The following PBX4 variants were observed in gnomAD, a reference collection of about 807,000 sequenced individuals.
PBX4 encodes the protein pre-B-cell leukemia transcription factor 4.
Under a neutral mutation model 35.1 loss-of-function variants are expected in PBX4, and 26 were observed. The observed-to-expected ratio is 0.74, with a 90% confidence interval of 0.54 to 1.03. The LOEUF (loss-of-function observed/expected upper bound fraction) is 1.03, where lower values mean the gene tolerates loss of function less well. Among genes scored for constraint, PBX4 ranks in the 50% least tolerant of loss-of-function variants. The probability of loss-of-function intolerance (pLI) is 0.00; values close to 1 mark genes in which losing one functional copy is unlikely to be tolerated. For missense variants in PBX4, 448 were observed against 504.3 expected, an observed-to-expected ratio of 0.89 and a Z score of 1.07; for synonymous variants, 199 against 204.2, an observed-to-expected ratio of 0.97 and a Z score of 0.22.
intron 2 of PBX4, among the ~76,000 whole-genome samples, chr19:19,590,586 A>G (rs943399159): frequency 6.6e-6 from 1 of 150,888 alleles, no homozygotes; most frequent in Non-Finnish European, 1.5e-5. Context: ...CTCGCGCCTC[A>G]GCCTCCCGAT....
intron 2 of PBX4, among the ~76,000 whole-genome samples, chr19:19,573,848 G>A (rs972746216): frequency 4.6e-5 from 7 of 152,094 alleles, no homozygotes; most frequent in African/African-American, 1.7e-4. Flanking sequence ...TTCTGCCTCA[G>A]TCTCCTGAGT....
chr19:19,577,695 C>T (rs2061428690), intron 2 of PBX4, among the ~76,000 whole-genome samples: 1 of 151,894 alleles, frequency 6.6e-6, no homozygotes, highest in Admixed American at 6.6e-5. Flanking sequence ...CCCATCTCTA[C>T]TAAAAATACA....
chr19:19,565,216 A>G (rs554318433), intron 5 of PBX4, 127 bp from the exon 6 acceptor site: 1 of 1,176,540 alleles, frequency 8.5e-7, no homozygotes, highest in East Asian at 2.3e-5. Flanking sequence ...CCCTGGGGCT[A>G]TGAAGAGTCT....
chr19:19,570,416 G>A (rs942127158), intron 3 of PBX4, 117 bp from the exon 4 acceptor site: 1 of 1,430,312 alleles, frequency 7.0e-7, no homozygotes, highest in Non-Finnish European at 9.4e-7. Context: ...ACCGGCGGGT[G>A]ACTGTTAAGT....
intron 2 of PBX4, among the ~76,000 whole-genome samples, chr19:19,586,856 A>G (rs1248410140): frequency 2.6e-5 from 4 of 151,612 alleles, no homozygotes; most frequent in Admixed American, 2.6e-4. Context: ...GTTTGAACCC[A>G]GGAGGTGAAG....
At chr19:19,604,901 T>C (rs2061620767) in intron 1 of PBX4, among the ~76,000 whole-genome samples, 1 of 151,986 alleles carries the variant, frequency 6.6e-6, no homozygotes, top group African/African-American at 2.4e-5. Flanking sequence ...TGCCCGGCCA[T>C]GTTAGTCTTT....
chr19:19,571,109 T>C (rs2061380166), intron 2 of PBX4, among the ~76,000 whole-genome samples: 1 of 152,216 alleles, frequency 6.6e-6, no homozygotes, highest in South Asian at 2.1e-4. Context: ...TGGTCACAGC[T>C]GTGTGCACGC....
intron 2 of PBX4, among the ~76,000 whole-genome samples, chr19:19,586,926 G>A (rs1010257639): frequency 4.0e-5 from 6 of 151,358 alleles, no homozygotes; most frequent in African/African-American, 7.3e-5. Flanking sequence ...GTGAGATTCC[G>A]TCTCAAAAAA....
chr19:19,581,918 G>C (rs1190920446), intron 2 of PBX4, among the ~76,000 whole-genome samples: 1 of 152,156 alleles, frequency 6.6e-6, no homozygotes, highest in Non-Finnish European at 1.5e-5. Context: ...AGCAGGAGAC[G>C]AGACTGGCTG....
At chr19:19,573,874 C>T (rs1474375883) in intron 2 of PBX4, among the ~76,000 whole-genome samples, 5 of 152,046 alleles carry the variant, frequency 3.3e-5, no homozygotes, top group Non-Finnish European at 2.9e-5. Context: ...GGATTACAGG[C>T]GCTCGCCACC....
At position 19,562,032 on chromosome 19, in the gene PBX4, G is replaced by A. The variant is rs1482229926; in HGVS notation, c.1118C>T (p.Ser373Phe). The change falls in exon 8 of 8, where the codon TCT becomes TTT. Residue 373 changes from serine to phenylalanine, a missense_variant. Coordinates refer to ENST00000251203, the MANE Select transcript of PBX4 (RefSeq NM_025245.3). The surrounding 1 kb of genome is among the most constrained non-coding windows in gnomAD (Gnocchi z 4.8). ...CCTGCTTATCCCCCAAACTTAATTA[G>A]ATGTACTGGAGTTGATGCTGCCAGG... The part of the protein sequence containing the change: ...GDPGSINSST[S>F]N 2.5e-6 allele frequency: 4 copies of A among 1,612,106 alleles called. No individual in the cohort carries two copies. The highest frequency in any genetic ancestry group is 3.4e-6 in the Non-Finnish European group (4 of 1,179,070).
At position 19,563,058 on chromosome 19, in the gene PBX4, G is replaced by A. The variant is rs1488543498; in HGVS notation, c.1032+451C>T. Among the ~76,000 whole-genome samples, 1 of 152,176 alleles carries A rather than the reference G, an allele frequency of 6.6e-6. No individual in the cohort carries two copies. The highest frequency in any genetic ancestry group is 1.5e-5 in the Non-Finnish European group (1 of 68,026). On this transcript the variant is annotated intron_variant, in intron 7 of 7. Coordinates refer to ENST00000251203, the MANE Select transcript of PBX4 (RefSeq NM_025245.3). The surrounding 1 kb of genome is among the most constrained non-coding windows in gnomAD (Gnocchi z 5.1). ...CCTGTGCTGGGCACATGACACCTGGGCCTCCTCAGTGTCTTCAAGACGGTC... is the reference window on the plus strand; with the variant it reads ...CCTGTGCTGGGCACATGACACCTGGACCTCCTCAGTGTCTTCAAGACGGTC...
At chr19:19,577,408 A>T (rs1019599378) in intron 2 of PBX4, among the ~76,000 whole-genome samples, 7 of 152,154 alleles carry the variant, frequency 4.6e-5, no homozygotes, top group African/African-American at 1.4e-4. Context: ...ATGTATTTAC[A>T]GGAGGCACAG....
At chr19:19,607,724 T>G (rs1027218524) in intron 1 of PBX4, among the ~76,000 whole-genome samples, 1 of 152,180 alleles carries the variant, frequency 6.6e-6, no homozygotes, top group African/African-American at 2.4e-5. Context: ...CAACAGTATG[T>G]TTTAGCTGAT....
At chr19:19,596,149 T>C (rs2061559368) in intron 2 of PBX4, among the ~76,000 whole-genome samples, 1 of 151,980 alleles carries the variant, frequency 6.6e-6, no homozygotes, top group Non-Finnish European at 1.5e-5. Flanking sequence ...CCCAGCACTT[T>C]GGGAGGCTGA....
intron 1 of PBX4, among the ~76,000 whole-genome samples, chr19:19,602,417 C>A (rs971241541): frequency 1.3e-5 from 2 of 151,954 alleles, no homozygotes; most frequent in Non-Finnish European, 2.9e-5. Context: ...ACAAACATAA[C>A]AGGTGCTAAA....
intron 2 of PBX4, among the ~76,000 whole-genome samples, chr19:19,579,003 G>A (rs997355993): frequency 6.6e-6 from 1 of 152,096 alleles, no homozygotes; most frequent in Non-Finnish European, 1.5e-5. Context: ...CAGCACCTTC[G>A]TCTGGGACTT....
At chr19:19,574,467 A>G (rs1255420457) in intron 2 of PBX4, among the ~76,000 whole-genome samples, 1 of 152,032 alleles carries the variant, frequency 6.6e-6, no homozygotes, top group African/African-American at 2.4e-5. Context: ...CCTGAGTGCC[A>G]GGCTGAACTG....
intron 2 of PBX4, chr19:19,579,935 C>T (rs1052622353): frequency 6.6e-6 from 1 of 152,364 alleles, no homozygotes; most frequent in South Asian, 2.1e-4. Flanking sequence ...TGAGCCTCCT[C>T]CCCATCTCCC....
Sources: allele counts gnomAD v4.1 joint callset (sites outside exome capture counted in the v4.1 genomes callset), GRCh38; gene constraint gnomAD v4.1.1; non-coding constraint Gnocchi (gnomAD v3.1); transcripts MANE v1.5; gene names NCBI Gene and HGNC (gene_info 2026-07-23, HGNC 2026-07-21).